The following DERA variants were observed in gnomAD, a reference collection of about 807,000 sequenced individuals.
The protein encoded by DERA is deoxyribose-phosphate aldolase.
A neutral mutation model predicts 41.1 loss-of-function variants in DERA; 15 were observed. The ratio of observed to expected loss-of-function variants is 0.37; its 90% CI spans 0.24 to 0.56. The LOEUF is 0.56. Ranked by LOEUF, DERA falls within the 20% of genes least tolerant of loss-of-function variation. DERA has a pLI of 0.81. For missense variants in DERA, 396 were observed against 403.4 expected, an observed-to-expected ratio of 0.98 and a Z score of 0.16; for synonymous variants, 139 against 137.4, an observed-to-expected ratio of 1.01 and a Z score of -0.08.
chr12:15,915,248 G>A lies in DERA; in HGVS notation c.31+3834G>A, dbSNP rs1311557855. Among the ~76,000 whole-genome samples the A allele has an allele frequency of 6.6e-6, 1 of 152,102 alleles. No individual in the cohort carries two copies. Among genetic ancestry groups the A allele is most frequent in the African/African-American group, 2.4e-5 (1 of 41,410 alleles). On this transcript the variant is annotated intron_variant, in intron 1 of 8. Coordinates refer to ENST00000428559, the MANE Select transcript of DERA (RefSeq NM_015954.4). This position sits in a 1 kb window ranked among gnomAD's most constrained non-coding sequence, Gnocchi z 4.8. ...GATGTACCTAGACTGTGCTTTAAAT[G>A]GGTTGTGAAAACAGAATGTCCTGGG...
chr12:15,932,659 C>G (rs7954894), intron 1 of DERA, among the ~76,000 whole-genome samples: 6,390 of 151,826 alleles, frequency 0.042, 457 homozygotes, highest in African/African-American at 0.14. Flanking sequence ...AAAAGTTTCA[C>G]TATAATTTAA....
At position 15,996,382 on chromosome 12, in the gene DERA, A is replaced by T. The variant is rs1166461880; in HGVS notation, c.637+13946A>T. ...CCGCAGTCAGGGTGTCAGCAGGCTTATGCTCCCTCTGAAACCTGTAGGCAA... is the reference window on the plus strand; with the variant it reads ...CCGCAGTCAGGGTGTCAGCAGGCTTTTGCTCCCTCTGAAACCTGTAGGCAA... On this transcript the variant is annotated intron_variant, in intron 6 of 8. Coordinates refer to ENST00000428559, the MANE Select transcript of DERA (RefSeq NM_015954.4). This position sits in a 1 kb window ranked among gnomAD's most constrained non-coding sequence, Gnocchi z 4.7. Among the ~76,000 whole-genome samples the T allele has an allele frequency of 6.6e-6, 1 of 152,062 alleles. No homozygotes were observed. Among genetic ancestry groups the T allele is most frequent in the East Asian group, 1.9e-4 (1 of 5,182 alleles).
Position 15,982,605 on chromosome 12 carries a change from C to T in DERA, c.637+169C>T, listed in dbSNP as rs1407741858. Among the ~76,000 whole-genome samples, 3 of 152,206 alleles carry T rather than the reference C, an allele frequency of 2.0e-5. No individual in the cohort carries two copies. The highest frequency in any genetic ancestry group is 6.5e-5 in the Admixed American group (1 of 15,278). On this transcript the variant is annotated intron_variant, in intron 6 of 8. Transcript: ENST00000428559. This position sits in a 1 kb window ranked among gnomAD's most constrained non-coding sequence, Gnocchi z 4.0. ...ATGTTCAATGTGAAGTGGTCAAAAA[C>T]TCCTGGCTTTCTTCCACATTTTTTT...
rs947774712 is a variant in DERA, at chr12:16,011,412, C to G, written c.638-21130C>G. On this transcript the variant is annotated intron_variant, in intron 6 of 8. Transcript: ENST00000428559. The surrounding 1 kb of genome is among the most constrained non-coding windows in gnomAD (Gnocchi z 4.7). ...CTTACCCTAACCTGGTTGAGCATCCCAAATCCAAAAATCTGAAATGTGAAA... is the reference window on the plus strand; with the variant it reads ...CTTACCCTAACCTGGTTGAGCATCCGAAATCCAAAAATCTGAAATGTGAAA... 2.0e-5 allele frequency among the ~76,000 whole-genome samples: 3 copies of G among 152,090 alleles called. No individual in the cohort carries two copies. The highest frequency in any genetic ancestry group is 4.4e-5 in the Non-Finnish European group (3 of 68,026).
intron 4 of DERA, among the ~76,000 whole-genome samples, chr12:15,961,376 T>C (rs985434402): frequency 1.6e-4 from 24 of 152,122 alleles, no homozygotes; most frequent in African/African-American, 3.1e-4. Context: ...ATCCTGATGC[T>C]TTAAAAAGGG....
intron 7 of DERA, 94 bp downstream of exon 7, chr12:16,032,748 T>C: frequency 1.3e-6 from 1 of 790,086 alleles, no homozygotes; most frequent in Non-Finnish European, 2.1e-6. Flanking sequence ...TATGGAGAAG[T>C]TGTGAATGAA....
At chr12:15,939,167 G>A (rs1948392020) in intron 1 of DERA, among the ~76,000 whole-genome samples, 1 of 152,168 alleles carries the variant, frequency 6.6e-6, no homozygotes, top group African/African-American at 2.4e-5. Flanking sequence ...AGAGAAAGAA[G>A]GAGACTTAAT....
In DERA at chr12:16,017,846, CTTA is replaced by C. The variant is rs555602955; in HGVS notation, c.638-14691_638-14689del. 2.8e-4 allele frequency among the ~76,000 whole-genome samples: 43 copies of C among 152,296 alleles called. No homozygotes were observed. Among genetic ancestry groups the C allele is most frequent in the Non-Finnish European group, 5.9e-4 (40 of 68,008 alleles). ...CTAATGAATAATGTACCCAAAAGCTCTTATTATAGGGTTGGTATGAATTCCACT... is the reference window on the plus strand; with the variant it reads ...CTAATGAATAATGTACCCAAAAGCTCTTATAGGGTTGGTATGAATTCCACT... On this transcript the variant is annotated intron_variant, in intron 6 of 8. Coordinates refer to ENST00000428559, the MANE Select transcript of DERA (RefSeq NM_015954.4). The surrounding 1 kb of genome is among the most constrained non-coding windows in gnomAD (Gnocchi z 5.5).
chr12:15,926,785 A>G (rs1948289731), intron 1 of DERA, among the ~76,000 whole-genome samples: 1 of 150,826 alleles, frequency 6.6e-6, no homozygotes, highest in South Asian at 2.1e-4. Context: ...CCAGGTTACC[A>G]GAATTGTGGG....
Position 15,966,199 on chromosome 12 carries a change from A to G in DERA, c.508+3252A>G, listed in dbSNP as rs1374761391. ...TCACCTCTTGCTCTGCTGCCGCCCTAAGCTCTGGTTCCGCAGCAACGCTCT... is the reference window on the plus strand; with the variant it reads ...TCACCTCTTGCTCTGCTGCCGCCCTGAGCTCTGGTTCCGCAGCAACGCTCT... On this transcript the variant is annotated intron_variant, in intron 5 of 8. Transcript: ENST00000428559. The surrounding 1 kb of genome is among the most constrained non-coding windows in gnomAD (Gnocchi z 5.1). 1.3e-5 allele frequency among the ~76,000 whole-genome samples: 2 copies of G among 152,282 alleles called. No homozygotes were observed. The highest frequency in any genetic ancestry group is 1.3e-4 in the Admixed American group (2 of 15,302).
At chr12:15,932,585 A>G (rs1280585994) in intron 1 of DERA, among the ~76,000 whole-genome samples, 1 of 152,058 alleles carries the variant, frequency 6.6e-6, no homozygotes, top group Non-Finnish European at 1.5e-5. Context: ...TGGAGGTTGC[A>G]GTGAGCAATG....
chr12:15,917,732 A>G (rs565282945), intron 1 of DERA, among the ~76,000 whole-genome samples: 3 of 152,288 alleles, frequency 2.0e-5, no homozygotes, highest in African/African-American at 4.8e-5. Flanking sequence ...TGTGGAGGAC[A>G]GTTTTTCCAC....
rs1357145113 is a variant in DERA at position 15,954,905 on chromosome 12, C to G, written c.32-2031C>G. The stretch of plus-strand genomic sequence containing the variant: ...GGTCAACAATTAGTTGGCAGTGAGT[C>G]TTGGAGTTCACATACTCTTCACTCA... On this transcript the variant is annotated intron_variant, in intron 1 of 8. Transcript: ENST00000428559. This position sits in a 1 kb window ranked among gnomAD's most constrained non-coding sequence, Gnocchi z 4.0. 6.6e-6 allele frequency among the ~76,000 whole-genome samples: 1 copy of G among 151,902 alleles called. No individual in the cohort carries two copies. Among genetic ancestry groups the G allele is most frequent in the Non-Finnish European group, 1.5e-5 (1 of 68,002 alleles).
At chr12:15,986,162 C>G (rs1009675138) in intron 6 of DERA, among the ~76,000 whole-genome samples, 1 of 152,138 alleles carries the variant, frequency 6.6e-6, no homozygotes. Flanking sequence ...TCTGGCCACA[C>G]CAGCTTTCTT....
rs1948185956 is a variant in DERA at position 15,914,450 on chromosome 12, G to C, written c.31+3036G>C. 2.0e-5 allele frequency among the ~76,000 whole-genome samples: 3 copies of C among 151,778 alleles called. No homozygotes were observed. In the South Asian group the frequency reaches 6.3e-4, roughly 32 times the overall value. ...TGAATGAAGGAATGAATTGAGAGCT[G>C]CTTCTTACTTGGGGGAACTGGGGAA... On this transcript the variant is annotated intron_variant, in intron 1 of 8. Coordinates refer to ENST00000428559, the MANE Select transcript of DERA (RefSeq NM_015954.4).
chr12:15,996,809 G>T lies in DERA; in HGVS notation c.637+14373G>T, dbSNP rs1004485708. ...TCAAACCCAGCAAACTTGAATTCAG[G>T]TACAAAAGATTGATTTTTCCCTCTC... On this transcript the variant is annotated intron_variant, in intron 6 of 8. Transcript: ENST00000428559. The surrounding 1 kb of genome is among the most constrained non-coding windows in gnomAD (Gnocchi z 4.7). Among the ~76,000 whole-genome samples the T allele has an allele frequency of 6.6e-6, 1 of 152,240 alleles. No individual in the cohort carries two copies. Among genetic ancestry groups the T allele is most frequent in the East Asian group, 1.9e-4 (1 of 5,182 alleles).
Position 15,993,329 on chromosome 12 carries a change from G to T in DERA, c.637+10893G>T, listed in dbSNP as rs1169907211. Among the ~76,000 whole-genome samples, 1 of 152,022 alleles carries T rather than the reference G, an allele frequency of 6.6e-6. No individual in the cohort carries two copies. The highest frequency in any genetic ancestry group is 1.5e-5 in the Non-Finnish European group (1 of 68,010). ...AATATATTTTTGAAAATTTAAATAT[G>T]CATCAAATAGTAAAGTAAATGACAA... On this transcript the variant is annotated intron_variant, in intron 6 of 8. Transcript: ENST00000428559. The surrounding 1 kb of genome is among the most constrained non-coding windows in gnomAD (Gnocchi z 4.4).
rs1310375207 is a variant in DERA at position 15,999,530 on chromosome 12, C to G, written c.637+17094C>G. Among the ~76,000 whole-genome samples, 5 of 152,106 alleles carry G rather than the reference C, an allele frequency of 3.3e-5. No individual in the cohort carries two copies. The highest frequency in any genetic ancestry group is 3.3e-4 in the Admixed American group (5 of 15,278). ...GTATAGAAGTTGTTAGGTGCAGATACAGAGAAAGGCATTTTGGGCTGAGAG... is the reference window on the plus strand; with the variant it reads ...GTATAGAAGTTGTTAGGTGCAGATAGAGAGAAAGGCATTTTGGGCTGAGAG... On this transcript the variant is annotated intron_variant, in intron 6 of 8. Coordinates refer to ENST00000428559, the MANE Select transcript of DERA (RefSeq NM_015954.4). The surrounding 1 kb of genome is among the most constrained non-coding windows in gnomAD (Gnocchi z 5.3).
chr12:15,953,699 A>T (rs771930996), intron 1 of DERA, among the ~76,000 whole-genome samples: 6 of 152,204 alleles, frequency 3.9e-5, no homozygotes, highest in Non-Finnish European at 8.8e-5. Flanking sequence ...GATTATGTGC[A>T]TTAGAATCAC....
Sources: gnomAD v4.1 joint callset for allele counts (sites outside exome capture counted in the v4.1 genomes callset) on GRCh38, gnomAD v4.1.1 for gene constraint, Gnocchi (gnomAD v3.1) non-coding constraint, MANE v1.5 for transcripts, NCBI Gene and HGNC (gene_info 2026-07-23, HGNC 2026-07-21) for gene names.